Variants in PKP2 observed in about 807,000 individuals in gnomAD.
PKP2 encodes the protein plakophilin-2.
PKP2 carries 73 observed loss-of-function variants against 83.4 expected under a neutral mutation model. The ratio of observed to expected loss-of-function variants is 0.88; its 90% CI spans 0.72 to 1.06. The LOEUF (loss-of-function observed/expected upper bound fraction) is 1.06, where lower values mean the gene tolerates loss of function less well. Ranked by LOEUF, PKP2 falls within the 50% of genes least tolerant of loss-of-function variation. The pLI is 0.00. For synonymous variants in PKP2, 409 were observed against 430.4 expected (o/e 0.95, Z 0.62); for missense variants, 966 against 1,065.4 (o/e 0.91, Z 1.30).
At chr12:32,866,475 C>T (rs1051464340) in intron 4 of PKP2, among the ~76,000 whole-genome samples, 2 of 146,406 alleles carry the variant, frequency 1.4e-5, no homozygotes, top group East Asian at 2.0e-4. Flanking sequence ...CACTTGAGCC[C>T]GAGAGGTGGA....
rs969219136 is a variant in PKP2, at chr12:32,830,855, G to A, written c.1557-6693C>T. On this transcript the variant is annotated intron_variant, in intron 6 of 12. Transcript: ENST00000340811. ...TGGGAGGCAGAGGTTGCAGTGAGCC[G>A]AGATAGTGCCACTGCACTCCAGCCT... is the stretch of plus-strand genomic sequence containing the variant. Among the ~76,000 whole-genome samples the A allele has an allele frequency of 1.1e-4, 17 of 151,390 alleles. 1 individual carries two copies. Among genetic ancestry groups the A allele is most frequent in the Non-Finnish European group, 2.5e-4 (17 of 67,952 alleles).
intron 9 of PKP2, among the ~76,000 whole-genome samples, chr12:32,819,295 ATACAATACAATACAATAC>A (rs1241526537): frequency 5.3e-5 from 1 of 18,846 alleles, no homozygotes; most frequent in Non-Finnish European, 4.5e-4. Context: ...ATACAATACA[ATACAATACAATACAATAC>A]AATAAAATAA....
chr12:32,845,950 T>A (rs1181686010), intron 5 of PKP2, among the ~76,000 whole-genome samples: 5 of 152,132 alleles, frequency 3.3e-5, no homozygotes, highest in Admixed American at 3.3e-4. Flanking sequence ...ACATTACGAA[T>A]GCGGAATAAA....
Position 32,821,346 on chromosome 12 carries a change from C to CAATA in PKP2, c.2013+6_2013+9dup, listed in dbSNP as rs768133889. On this transcript the variant is annotated intron_variant, in intron 9 of 12. Transcript: ENST00000340811. ...ATTTTAAAAAGTAGGAAATCAGGCC[C>CAATA]AATACTCACTGGTCCACTTCCGGCC... is the stretch of plus-strand genomic sequence containing the variant. The CAATA allele has an allele frequency of 8.7e-6, 14 of 1,612,582 alleles. No individual in the cohort carries two copies. The South Asian group carries it at 1.5e-4, about 18-fold the overall frequency.
intron 4 of PKP2, among the ~76,000 whole-genome samples, chr12:32,858,088 T>G (rs200053982): frequency 3.6e-5 from 2 of 55,582 alleles, no homozygotes; most frequent in African/African-American, 7.8e-5. Flanking sequence ...AAAAAAAATA[T>G]ATATATATAT....
At chr12:32,822,738 T>G (rs1956394373) in intron 7 of PKP2, 107 bp from the exon 8 acceptor site, 1 of 1,246,004 alleles carries the variant, frequency 8.0e-7, no homozygotes, top group African/African-American at 1.5e-5. Flanking sequence ...CAGATGCAAC[T>G]GGGTGTGCTT....
rs1324822103 is a variant in PKP2 at position 32,802,470 on chromosome 12, A to ACTT, written c.2097_2099dup (p.Pro699_Ser700insArg). On this transcript the variant is annotated inframe_insertion, in exon 10 of 13. Transcript: ENST00000340811. ...GCAGCGAGATGGCTGTCTTTTTCAC[A>ACTT]CTTGGGTCACCAACATGCAGCATCT... is the stretch of plus-strand genomic sequence containing the variant. The ACTT allele has an allele frequency of 6.2e-7, 1 of 1,614,134 alleles. No homozygotes were observed. Among genetic ancestry groups the ACTT allele is most frequent in the Non-Finnish European group, 8.5e-7 (1 of 1,179,980 alleles).
intron 4 of PKP2, among the ~76,000 whole-genome samples, chr12:32,861,713 A>T (rs1448847070): frequency 6.6e-6 from 1 of 152,228 alleles, no homozygotes; most frequent in Admixed American, 6.5e-5. Flanking sequence ...CAAAAAACTA[A>T]GAGAAACTAC....
intron 3 of PKP2, 64 bp downstream of exon 3, chr12:32,877,782 G>T: frequency 1.6e-6 from 2 of 1,214,802 alleles, no homozygotes; most frequent in Non-Finnish European, 2.4e-6. Flanking sequence ...AGCTCATGCT[G>T]TCAGGGCTGT....
At chr12:32,866,733 C>G (rs191062645) in intron 4 of PKP2, among the ~76,000 whole-genome samples, 8 of 152,178 alleles carry the variant, frequency 5.3e-5, no homozygotes, top group East Asian at 1.9e-4. Flanking sequence ...TGTGAAATGG[C>G]ACAGCTACTT....
At chr12:32,849,866 G>A (rs1956681355) in intron 5 of PKP2, among the ~76,000 whole-genome samples, 1 of 152,148 alleles carries the variant, frequency 6.6e-6, no homozygotes, top group Non-Finnish European at 1.5e-5. Flanking sequence ...GTGGTACTGA[G>A]AGGAGTCCAG....
At chr12:32,811,318 A>T (rs1455971759) in intron 9 of PKP2, among the ~76,000 whole-genome samples, 1 of 152,196 alleles carries the variant, frequency 6.6e-6, no homozygotes, top group Admixed American at 6.5e-5. Context: ...CTGTCTCATC[A>T]GCTGTAGTCA....
chr12:32,873,944 A>G (rs187416647), intron 3 of PKP2, among the ~76,000 whole-genome samples: 7 of 152,176 alleles, frequency 4.6e-5, no homozygotes, highest in Non-Finnish European at 1.0e-4. Context: ...AAATTCATCT[A>G]TAATTTTTTT....
chr12:32,866,629 A>C (rs1290441994), intron 4 of PKP2, among the ~76,000 whole-genome samples: 1 of 151,916 alleles, frequency 6.6e-6, no homozygotes, highest in Non-Finnish European at 1.5e-5. Flanking sequence ...CCACAGTAAA[A>C]CACCTGTACA....
intron 1 of PKP2, among the ~76,000 whole-genome samples, chr12:32,882,283 G>A (rs904987980): frequency 6.6e-5 from 10 of 152,160 alleles, no homozygotes; most frequent in Non-Finnish European, 1.3e-4. Context: ...TTTATGGACC[G>A]TAGCTGGAAC....
At chr12:32,812,647 C>T (rs141070704) in intron 9 of PKP2, among the ~76,000 whole-genome samples, 11,093 of 152,006 alleles carry the variant, frequency 0.073, 1,144 homozygotes, top group East Asian at 0.54. Flanking sequence ...GGACTACAGG[C>T]GCCCACCACC....
intron 3 of PKP2, among the ~76,000 whole-genome samples, chr12:32,870,791 T>C (rs181110378): frequency 2.7e-3 from 407 of 152,236 alleles, no homozygotes; most frequent in African/African-American, 9.4e-3. Flanking sequence ...TAAAAAAAGA[T>C]TGAGCCATTA....
intron 3 of PKP2, among the ~76,000 whole-genome samples, chr12:32,870,454 T>C (rs1565596736): frequency 1.3e-5 from 2 of 152,158 alleles, no homozygotes; most frequent in Admixed American, 6.6e-5. Context: ...CTCTGGCATC[T>C]ATACTGAGAA....
At chr12:32,895,326 G>A (rs769581655) in intron 1 of PKP2, among the ~76,000 whole-genome samples, 7 of 152,048 alleles carry the variant, frequency 4.6e-5, no homozygotes, top group Non-Finnish European at 1.0e-4. Context: ...TATTGACTAC[G>A]TCATCCTTTA....
Sources: allele counts gnomAD v4.1 joint callset (sites outside exome capture counted in the v4.1 genomes callset), GRCh38; gene constraint gnomAD v4.1.1; transcripts MANE v1.5; gene names NCBI Gene and HGNC (gene_info 2026-07-23, HGNC 2026-07-21).